Variants in FMN2 observed in about 807,000 individuals in gnomAD.
FMN2 encodes formin 2.
FMN2 carries 51 observed loss-of-function variants against 142.3 expected under a neutral mutation model. The observed-to-expected ratio is 0.36, with a 90% CI of 0.29 to 0.45. The LOEUF (loss-of-function observed/expected upper bound fraction) is 0.45. Among genes scored for constraint, FMN2 ranks in the 20% least tolerant of loss-of-function variants. The pLI is 1.00. For synonymous variants in FMN2, 882 were observed against 869.8 expected (o/e 1.01, Z -0.25); for missense variants, 1,936 against 2,122.8 (o/e 0.91, Z 1.73).
At chr1:240,319,471 G>A (rs1166561780) in intron 8 of FMN2, among the ~76,000 whole-genome samples, 3 of 152,160 alleles carry the variant, frequency 2.0e-5, no homozygotes, top group Non-Finnish European at 4.4e-5. Flanking sequence ...TATAAGGAAT[G>A]CTCTTAAACA....
At chr1:240,247,842 T>C (rs1024351924) in intron 6 of FMN2, among the ~76,000 whole-genome samples, 1 of 152,222 alleles carries the variant, frequency 6.6e-6, no homozygotes, top group Admixed American at 6.5e-5. Context: ...TACATATTTA[T>C]GATACATCAT....
chr1:240,378,581 G>A (rs1251800319), intron 14 of FMN2, among the ~76,000 whole-genome samples: 2 of 152,106 alleles, frequency 1.3e-5, no homozygotes, highest in Non-Finnish European at 2.9e-5. Flanking sequence ...TTTGTTCTGG[G>A]ACTAAAATGA....
At chr1:240,383,839 C>T (rs943142045) in intron 14 of FMN2, among the ~76,000 whole-genome samples, 2 of 151,484 alleles carry the variant, frequency 1.3e-5, no homozygotes, top group South Asian at 2.1e-4. Flanking sequence ...ATGGAATCAA[C>T]CTGTATCCAT....
At chr1:240,156,931 T>C (rs969846750) in intron 2 of FMN2, among the ~76,000 whole-genome samples, 2 of 152,218 alleles carry the variant, frequency 1.3e-5, no homozygotes, top group African/African-American at 4.8e-5. Context: ...TACGTTGCTA[T>C]TTGAGCAAGC....
At chr1:240,159,974 T>TACACACACACACACACAC (rs1185408892) in intron 2 of FMN2, among the ~76,000 whole-genome samples, 6 of 134,082 alleles carry the variant, frequency 4.5e-5, no homozygotes, top group Admixed American at 1.5e-4. Flanking sequence ...TATATATATA[T>TACACACACACACACACAC]ACACACACAC....
At chr1:240,219,094 T>G (rs980134278) in intron 6 of FMN2, among the ~76,000 whole-genome samples, 1 of 152,192 alleles carries the variant, frequency 6.6e-6, no homozygotes. Context: ...TGCAGCTCAT[T>G]TAGCAGACCT....
intron 8 of FMN2, among the ~76,000 whole-genome samples, chr1:240,297,081 C>T (rs1250506354): frequency 6.6e-6 from 1 of 152,068 alleles, no homozygotes; most frequent in Non-Finnish European, 1.5e-5. Context: ...GTAATTTCTT[C>T]AGCAGGTCAT....
intron 7 of FMN2, among the ~76,000 whole-genome samples, chr1:240,282,122 T>C (rs1669416656): frequency 6.6e-6 from 1 of 152,188 alleles, no homozygotes; most frequent in Admixed American, 6.5e-5. Context: ...TTCCACACAA[T>C]AGAGGAGTTA....
chr1:240,406,097 C>G (rs186859234), intron 15 of FMN2, among the ~76,000 whole-genome samples: 20 of 101,854 alleles, frequency 2.0e-4, no homozygotes, highest in Middle Eastern at 5.4e-3. Flanking sequence ...GGGAATCAGC[C>G]TCGGGAGTGG....
intron 1 of FMN2, among the ~76,000 whole-genome samples, chr1:240,101,658 T>C (rs1405060511): frequency 6.6e-6 from 1 of 151,358 alleles, no homozygotes; most frequent in African/African-American, 2.4e-5. Context: ...CCTCAGCACC[T>C]CAGCTTCCAG....
At chr1:240,214,256 GA>G (rs1477047367) in intron 6 of FMN2, among the ~76,000 whole-genome samples, 7 of 152,098 alleles carry the variant, frequency 4.6e-5, no homozygotes, top group Non-Finnish European at 7.4e-5. Flanking sequence ...GAGGAAAATA[GA>G]AAAAGTGATC....
chr1:240,468,281 C>CACACACACATATACATATAA (rs1491191571), intron 16 of FMN2, among the ~76,000 whole-genome samples: 5 of 151,600 alleles, frequency 3.3e-5, no homozygotes, highest in African/African-American at 1.2e-4. Flanking sequence ...TATACATATG[C>CACACACACATATACATATAA]ACACACACAT....
chr1:240,148,507 GAGA>G (rs1663615293), intron 2 of FMN2, among the ~76,000 whole-genome samples: 1 of 152,068 alleles, frequency 6.6e-6, no homozygotes, highest in African/African-American at 2.4e-5. Flanking sequence ...AGAGGAGAGA[GAGA>G]AGGAGAGAGA....
At chr1:240,465,749 T>C (rs1676599595) in intron 16 of FMN2, among the ~76,000 whole-genome samples, 1 of 152,198 alleles carries the variant, frequency 6.6e-6, no homozygotes, top group African/African-American at 2.4e-5. Context: ...TCTCATTCGA[T>C]TGAATGATGA....
At chr1:240,365,485 C>T (rs1241797770) in intron 14 of FMN2, among the ~76,000 whole-genome samples, 1 of 152,048 alleles carries the variant, frequency 6.6e-6, no homozygotes, top group African/African-American at 2.4e-5. Flanking sequence ...GTTTTAGATA[C>T]ACACATACAT....
intron 2 of FMN2, among the ~76,000 whole-genome samples, chr1:240,155,530 C>T (rs549416801): frequency 6.6e-6 from 1 of 152,120 alleles, no homozygotes; most frequent in East Asian, 1.9e-4. Context: ...TTCCTCCTGC[C>T]TTGGCCTCTC....
chr1:240,324,903 C>T (rs927918114), intron 8 of FMN2, among the ~76,000 whole-genome samples: 3 of 151,964 alleles, frequency 2.0e-5, no homozygotes, highest in African/African-American at 7.3e-5. Context: ...GGGGTGTTTA[C>T]AAACTATGAG....
At chr1:240,350,786 G>A (rs567329929) in intron 13 of FMN2, among the ~76,000 whole-genome samples, 57 of 152,316 alleles carry the variant, frequency 3.7e-4, no homozygotes, top group African/African-American at 1.3e-3. Flanking sequence ...TGAGGTAACA[G>A]TTGAACCAGA....
chr1:240,303,425 G>A (rs1159400349), intron 8 of FMN2, among the ~76,000 whole-genome samples: 2 of 152,122 alleles, frequency 1.3e-5, no homozygotes, highest in African/African-American at 4.8e-5. Context: ...TAGTTTTACT[G>A]GATATAGAAT....
Sources: gnomAD v4.1 joint callset for allele counts (sites outside exome capture counted in the v4.1 genomes callset) on GRCh38, gnomAD v4.1.1 for gene constraint, MANE v1.5 for transcripts, NCBI Gene and HGNC (gene_info 2026-07-23, HGNC 2026-07-21) for gene names.